The following SNX29 variants were observed in gnomAD, a reference collection of about 807,000 sequenced individuals.
The protein encoded by SNX29 is sorting nexin-29.
In SNX29, 78 loss-of-function variants were observed where a neutral mutation model predicts 102.1. The observed-to-expected ratio is 0.76, with a 90% CI of 0.64 to 0.92. The LOEUF is 0.92. Among genes scored for constraint, SNX29 ranks in the 40% least tolerant of loss-of-function variants. The pLI, the probability that SNX29 is intolerant of heterozygous loss-of-function variation, is 0.00. For synonymous variants in SNX29, 580 were observed against 414.5 expected (o/e 1.40, Z -4.85); for missense variants, 1,280 against 1,061.7 (o/e 1.21, Z -2.86).
intron 13 of SNX29, among the ~76,000 whole-genome samples, chr16:12,181,708 T>TTTGG (rs2076388926): frequency 4.0e-5 from 1 of 25,282 alleles, no homozygotes; most frequent in African/African-American, 4.2e-5. Flanking sequence ...TGTTGGTGAT[T>TTTGG]GAGGGGGGGT....
chr16:12,158,425 C>G (rs912959126), intron 13 of SNX29, among the ~76,000 whole-genome samples: 1 of 152,176 alleles, frequency 6.6e-6, no homozygotes, highest in Non-Finnish European at 1.5e-5. Context: ...GTCTCGAACT[C>G]CTGACCTCAA....
rs1335281809 is a variant in SNX29 at position 12,118,401 on chromosome 16, A to G, written c.1403-8232A>G. Among the ~76,000 whole-genome samples the G allele has an allele frequency of 3.6e-5, 5 of 137,526 alleles. No homozygotes were observed. In the East Asian group the frequency reaches 1.2e-3, roughly 33 times the overall value. 90.2% of individuals were successfully genotyped at this position (137,526 alleles called of 152,430 possible). On this transcript the variant is annotated intron_variant, in intron 11 of 20. Coordinates refer to ENST00000566228, the MANE Select transcript of SNX29 (RefSeq NM_032167.5). The stretch of plus-strand genomic sequence containing the variant: ...AGTGGCACCATGTCGGCTCACTGCA[A>G]CCTCCGTCTCCTGGGTTCAAGTCAT...
At chr16:12,239,460 C>CT (rs917728678) in intron 14 of SNX29, among the ~76,000 whole-genome samples, 47 of 152,016 alleles carry the variant, frequency 3.1e-4, no homozygotes, top group Admixed American at 1.2e-3. Context: ...AAGCACCTGG[C>CT]TCAGTACCAA....
rs542679821 is a variant in SNX29, at chr16:12,032,721, T to C, written c.247+5277T>C. On this transcript the variant is annotated intron_variant, in intron 4 of 20. Transcript: ENST00000566228. ...AATGTTGGATCATATGATAATTCTA[T>C]GTTTAATTATTTTTTAGAAACCATC... is the stretch of plus-strand genomic sequence containing the variant. Among the ~76,000 whole-genome samples the C allele has an allele frequency of 1.2e-4, 19 of 152,230 alleles. No homozygotes were observed. In the East Asian group the frequency reaches 3.5e-3, roughly 28 times the overall value.
At chr16:12,505,120 G>GA (rs1391099709) in intron 19 of SNX29, among the ~76,000 whole-genome samples, 2 of 151,784 alleles carry the variant, frequency 1.3e-5, no homozygotes, top group Non-Finnish European at 2.9e-5. Flanking sequence ...AAATATAGAG[G>GA]AAAAAACAAA....
At chr16:12,021,857 C>G (rs2057032728) in intron 3 of SNX29, among the ~76,000 whole-genome samples, 1 of 151,524 alleles carries the variant, frequency 6.6e-6, no homozygotes, top group Admixed American at 6.6e-5. Context: ...CGTCACTGCA[C>G]TCCAGCCTGG....
At chr16:12,253,221 G>A (rs991964368) in intron 14 of SNX29, among the ~76,000 whole-genome samples, 3 of 152,140 alleles carry the variant, frequency 2.0e-5, no homozygotes, top group East Asian at 1.9e-4. Flanking sequence ...CCATGCATTC[G>A]CCTTGATGTA....
intron 15 of SNX29, among the ~76,000 whole-genome samples, chr16:12,340,129 A>G (rs1413057546): frequency 2.6e-5 from 4 of 152,222 alleles, no homozygotes; most frequent in Non-Finnish European, 5.9e-5. Context: ...TTTCTTAGCC[A>G]AAAATTGTTT....
chr16:12,259,237 G>C (rs1567366546), intron 14 of SNX29, among the ~76,000 whole-genome samples: 1 of 151,954 alleles, frequency 6.6e-6, no homozygotes, highest in Non-Finnish European at 1.5e-5. Context: ...TCAACGTGGG[G>C]AAAAAAAATG....
intron 15 of SNX29, among the ~76,000 whole-genome samples, chr16:12,335,599 C>T (rs990714386): frequency 6.6e-6 from 1 of 152,116 alleles, no homozygotes; most frequent in Non-Finnish European, 1.5e-5. Context: ...TCTCTTGAGC[C>T]TAGGCATTTG....
At position 12,449,586 on chromosome 16, in the gene SNX29, G is replaced by A. The variant is rs193070943; in HGVS notation, c.2038-28133G>A. On this transcript the variant is annotated intron_variant, in intron 18 of 20. Transcript: ENST00000566228. ...CTGGCTGCAGGCACGGGTTGATCAG[G>A]GGCTCAAATGCAGCACCTCCCGTGC... Among the ~76,000 whole-genome samples, 88 of 152,260 alleles carry A rather than the reference G, an allele frequency of 5.8e-4. 2 individuals carry two copies. The highest frequency in any genetic ancestry group is 5.2e-3 in the Admixed American group (79 of 15,288).
At chr16:12,446,051 T>C (rs1303254805) in intron 18 of SNX29, among the ~76,000 whole-genome samples, 1 of 18,746 alleles carries the variant, frequency 5.3e-5, no homozygotes, top group East Asian at 1.1e-3. Context: ...CTCATTCTTT[T>C]TTTTTTTTTT....
chr16:12,033,181 A>T (rs1388642619), intron 4 of SNX29, among the ~76,000 whole-genome samples: 1 of 152,028 alleles, frequency 6.6e-6, no homozygotes, highest in Non-Finnish European at 1.5e-5. Context: ...ATTAGAGAAA[A>T]GGTATATAGC....
At chr16:12,446,008 C>CAGCTCCTG (rs2086031577) in intron 18 of SNX29, among the ~76,000 whole-genome samples, 1 of 151,880 alleles carries the variant, frequency 6.6e-6, no homozygotes, top group Non-Finnish European at 1.5e-5. Flanking sequence ...TGCTTCCATG[C>CAGCTCCTG]AGCTCCTGGA....
Position 12,571,464 on chromosome 16 carries a change from G to A in SNX29, c.*2835G>A, listed in dbSNP as rs1019915007. On this transcript the variant is annotated 3_prime_UTR_variant, in exon 21 of 21. Coordinates refer to ENST00000566228, the MANE Select transcript of SNX29 (RefSeq NM_032167.5). ...TTTCAAACAACATCTGAGAACAGAA[G>A]CCCCCTCCCCTACTCAGAGAGGAAC... The A allele has an allele frequency of 6.0e-5, 15 of 248,686 alleles. No individual in the cohort carries two copies. Among genetic ancestry groups the A allele is most frequent in the African/African-American group, 2.9e-4 (13 of 45,502 alleles). 15.4% of individuals were successfully genotyped at this position (248,686 alleles called of 1,614,324 possible). A position where few individuals can be genotyped will look rare whatever the true frequency, so the allele number is the denominator to read the frequency against.
At chr16:12,158,752 C>A (rs992932418) in intron 13 of SNX29, among the ~76,000 whole-genome samples, 2 of 152,192 alleles carry the variant, frequency 1.3e-5, no homozygotes, top group African/African-American at 4.8e-5. Flanking sequence ...CATTTCCTGC[C>A]GTGTGACCTC....
chr16:12,380,325 C>T (rs1047342232), intron 16 of SNX29, among the ~76,000 whole-genome samples: 9 of 139,152 alleles, frequency 6.5e-5, no homozygotes, highest in Non-Finnish European at 1.4e-4. Context: ...ATCATCCACC[C>T]ACCCATACCC....
intron 14 of SNX29, among the ~76,000 whole-genome samples, chr16:12,248,851 C>T (rs2078339152): frequency 6.6e-6 from 1 of 151,892 alleles, no homozygotes; most frequent in African/African-American, 2.4e-5. Flanking sequence ...TGTCTGACTC[C>T]CCCAGTAGAA....
At chr16:12,055,015 G>C (rs1363549403) in intron 8 of SNX29, among the ~76,000 whole-genome samples, 1 of 152,064 alleles carries the variant, frequency 6.6e-6, no homozygotes, top group Non-Finnish European at 1.5e-5. Flanking sequence ...TTGCTCATAG[G>C]GTATGAATGT....
Sources: gnomAD v4.1 joint callset for allele counts (sites outside exome capture counted in the v4.1 genomes callset) on GRCh38, gnomAD v4.1.1 for gene constraint, MANE v1.5 for transcripts, NCBI Gene and HGNC (gene_info 2026-07-23, HGNC 2026-07-21) for gene names.